DLGAP2: variants seen among roughly 807,000 people sequenced by gnomAD.
DLGAP2 encodes disks large-associated protein 2.
Under a neutral mutation model 100.3 loss-of-function variants are expected in DLGAP2, and 26 were observed. That is an observed-to-expected ratio of 0.26 (90% CI 0.19 to 0.36). The LOEUF is 0.36. Ranked by LOEUF, DLGAP2 falls within the 10% of genes least tolerant of loss-of-function variation. DLGAP2 has a pLI of 1.00. For missense variants in DLGAP2, 1,858 were observed against 1,453.2 expected, an observed-to-expected ratio of 1.28 and a Z score of -4.53; for synonymous variants, 886 against 630.1, an observed-to-expected ratio of 1.41 and a Z score of -6.08.
chr8:1,270,498 A>G (rs1425120915), intron 3 of DLGAP2, among the ~76,000 whole-genome samples: 14 of 152,166 alleles, frequency 9.2e-5, no homozygotes, highest in Non-Finnish European at 2.1e-4. Context: ...GACTTTCCTC[A>G]GGAGAAATGC....
intron 2 of DLGAP2, among the ~76,000 whole-genome samples, chr8:1,173,769 C>G (rs555749274): frequency 6.6e-6 from 1 of 152,188 alleles, no homozygotes; most frequent in Non-Finnish European, 1.5e-5. Context: ...ACCCGATTTT[C>G]CAGGTGCCGT....
At chr8:858,276 A>G (rs1159021264) in intron 1 of DLGAP2, among the ~76,000 whole-genome samples, 1 of 152,264 alleles carries the variant, frequency 6.6e-6, no homozygotes, top group Non-Finnish European at 1.5e-5. Context: ...AGGCTGTGAA[A>G]GGACGTGGAG....
intron 8 of DLGAP2, among the ~76,000 whole-genome samples, chr8:1,663,518 T>G (rs1798467868): frequency 6.6e-6 from 1 of 152,160 alleles, no homozygotes; most frequent in African/African-American, 2.4e-5. Context: ...GATGACATGC[T>G]TTCATGTCTG....
chr8:1,155,523 G>C (rs1317046480), intron 2 of DLGAP2, among the ~76,000 whole-genome samples: 1 of 150,878 alleles, frequency 6.6e-6, no homozygotes, highest in East Asian at 1.9e-4. Context: ...ATGGCAGGAG[G>C]CTGTTGACGA....
intron 3 of DLGAP2, among the ~76,000 whole-genome samples, chr8:1,304,580 G>A (rs760214894): frequency 6.6e-6 from 1 of 152,140 alleles, no homozygotes; most frequent in Admixed American, 6.5e-5. Context: ...AAAGTAGGAT[G>A]AGAAAAAAGA....
chr8:1,194,833 T>C (rs111444626), intron 2 of DLGAP2, among the ~76,000 whole-genome samples: 1 of 152,208 alleles, frequency 6.6e-6, no homozygotes, highest in African/African-American at 2.4e-5. Context: ...CTGTGACGTG[T>C]GTGGCCAGGG....
chr8:943,939 C>G (rs540566601), intron 2 of DLGAP2, among the ~76,000 whole-genome samples: 1 of 152,342 alleles, frequency 6.6e-6, no homozygotes, highest in Admixed American at 6.5e-5. Flanking sequence ...TTGAATCTGT[C>G]AGTGTTGAAG....
chr8:1,308,334 C>CA (rs1307322081), intron 3 of DLGAP2, among the ~76,000 whole-genome samples: 1 of 152,116 alleles, frequency 6.6e-6, no homozygotes, highest in Non-Finnish European at 1.5e-5. Flanking sequence ...ACAGTGTTTT[C>CA]AAAAAATAGT....
intron 2 of DLGAP2, among the ~76,000 whole-genome samples, chr8:1,144,503 G>T (rs1322660305): frequency 1.3e-5 from 2 of 152,234 alleles, no homozygotes; most frequent in Non-Finnish European, 2.9e-5. Context: ...TTGACTGGAC[G>T]TTGCAAACAA....
intron 5 of DLGAP2, chr8:1,565,394 T>A (rs1468629053): frequency 6.0e-6 from 2 of 335,684 alleles, no homozygotes; most frequent in Non-Finnish European, 1.1e-5. Context: ...TTTTAGCCAG[T>A]GCTTTGTCCC....
intron 8 of DLGAP2, among the ~76,000 whole-genome samples, chr8:1,639,178 C>T (rs149892184): frequency 1.9e-4 from 29 of 152,178 alleles, no homozygotes; most frequent in African/African-American, 5.3e-4. Flanking sequence ...GGTCCAGAGC[C>T]ATGGAGCCAC....
intron 3 of DLGAP2, among the ~76,000 whole-genome samples, chr8:1,421,496 C>G (rs551958224): frequency 2.0e-5 from 3 of 152,174 alleles, no homozygotes; most frequent in Non-Finnish European, 2.9e-5. Context: ...ATGCTACGTA[C>G]TCAGCCTTTC....
chr8:940,444 G>A (rs926797427), intron 2 of DLGAP2, among the ~76,000 whole-genome samples: 6 of 152,038 alleles, frequency 3.9e-5, no homozygotes, highest in Admixed American at 1.3e-4. Flanking sequence ...TGGGTGGTTC[G>A]TCCCTGCTTA....
intron 2 of DLGAP2, among the ~76,000 whole-genome samples, chr8:1,132,281 T>A (rs1041640793): frequency 6.6e-6 from 1 of 152,216 alleles, no homozygotes; most frequent in Non-Finnish European, 1.5e-5. Flanking sequence ...CAAAATCTCT[T>A]CTGTTAATCA....
At position 907,840 on chromosome 8, in the gene DLGAP2, G is replaced by T. The variant is rs1275825401; in HGVS notation, c.19-72G>T. 15 of 397,834 alleles carry T rather than the reference G, an allele frequency of 3.8e-5. No homozygotes were observed. In the Admixed American group the frequency reaches 4.0e-4, roughly 11 times the overall value. 24.6% of individuals were successfully genotyped at this position (397,834 alleles called of 1,614,324 possible). On this transcript the variant is annotated intron_variant, in intron 1 of 14. Coordinates refer to ENST00000637795, the MANE Select transcript of DLGAP2 (RefSeq NM_001346810.2). ...AACTACCTTATTAGAAGAAACACTC[G>T]CAACAGTTAATGAGATGCCTTCCTC...
chr8:1,193,189 G>A (rs973232053), intron 2 of DLGAP2, among the ~76,000 whole-genome samples: 4 of 152,138 alleles, frequency 2.6e-5, no homozygotes, highest in African/African-American at 9.7e-5. Flanking sequence ...TATATAACCG[G>A]TAATGGGATT....
intron 3 of DLGAP2, among the ~76,000 whole-genome samples, chr8:1,464,030 A>G (rs1050327139): frequency 6.6e-6 from 1 of 152,248 alleles, no homozygotes; most frequent in African/African-American, 2.4e-5. Flanking sequence ...ATGGGAAAAA[A>G]AGGGAAATCA....
intron 6 of DLGAP2, chr8:1,621,897 T>C (rs1465115300): frequency 6.6e-6 from 1 of 152,062 alleles, no homozygotes; most frequent in East Asian, 1.9e-4. Flanking sequence ...GAGATGCAAA[T>C]GTGGATTTCC....
chr8:1,517,819 A>C (rs1800445475), intron 4 of DLGAP2, among the ~76,000 whole-genome samples: 1 of 152,336 alleles, frequency 6.6e-6, no homozygotes, highest in East Asian at 1.9e-4. Context: ...TTTATTTTCC[A>C]AAAACAAGAC....
Sources: allele counts gnomAD v4.1 joint callset (sites outside exome capture counted in the v4.1 genomes callset), GRCh38; gene constraint gnomAD v4.1.1; transcripts MANE v1.5; gene names NCBI Gene and HGNC (gene_info 2026-07-23, HGNC 2026-07-21).